The following PID1 variants were observed in gnomAD, a reference collection of about 807,000 sequenced individuals.
The protein encoded by PID1 is PTB-containing, cubilin and LRP1-interacting protein.
Under a neutral mutation model 19.1 loss-of-function variants are expected in PID1, and 10 were observed. That is an observed-to-expected ratio of 0.52 (90% CI 0.32 to 0.89). The LOEUF (loss-of-function observed/expected upper bound fraction) is 0.89, where lower values mean the gene tolerates loss of function less well. Ranked by LOEUF, PID1 falls within the 40% of genes least tolerant of loss-of-function variation. The pLI is 0.03. For missense variants in PID1, 248 were observed against 285.3 expected, an observed-to-expected ratio of 0.87 and a Z score of 0.94; for synonymous variants, 130 against 116.0, an observed-to-expected ratio of 1.12 and a Z score of -0.78.
At chr2:229,173,657 T>C (rs1690755005) in intron 1 of PID1, among the ~76,000 whole-genome samples, 2 of 152,118 alleles carry the variant, frequency 1.3e-5, no homozygotes, top group East Asian at 1.9e-4. Context: ...TGTTTCAAAA[T>C]AAAAGGCCAG....
chr2:229,235,486 T>C (rs1189989753), intron 1 of PID1, among the ~76,000 whole-genome samples: 1 of 103,928 alleles, frequency 9.6e-6, no homozygotes, highest in Admixed American at 9.8e-5. Context: ...ATTTGCAATA[T>C]GTTTATGTGT....
rs189534017 is a variant in PID1 at position 229,226,171 on chromosome 2, T to C, written c.30+44843A>G. On this transcript the variant is annotated intron_variant, in intron 1 of 2. Coordinates refer to ENST00000392055, the MANE Select transcript of PID1 (RefSeq NM_001100818.2). ...ATGCTGATGCAAATCTTAGTTCTTG[T>C]TTTAATTGGTGAGCCAACCCTTCAG... Among the ~76,000 whole-genome samples the C allele has an allele frequency of 2.0e-4, 31 of 152,290 alleles. No individual in the cohort carries two copies. In the East Asian group the frequency reaches 4.3e-3, roughly 21 times the overall value.
intron 2 of PID1, among the ~76,000 whole-genome samples, chr2:229,078,214 A>G (rs77620838): frequency 6.6e-6 from 1 of 152,156 alleles, no homozygotes; most frequent in East Asian, 1.9e-4. Context: ...TTATTGGTGT[A>G]TAGGAATGTT....
At chr2:229,067,501 G>A (rs1694353872) in intron 2 of PID1, among the ~76,000 whole-genome samples, 1 of 151,980 alleles carries the variant, frequency 6.6e-6, no homozygotes, top group Admixed American at 6.6e-5. Flanking sequence ...TCCCTCCATT[G>A]CAGCTTGTAC....
At chr2:229,029,273 GA>G (rs56408016) in intron 2 of PID1, among the ~76,000 whole-genome samples, 84,443 of 136,320 alleles carry the variant, frequency 0.62, 25,030 homozygotes, top group African/African-American at 0.68. Flanking sequence ...AATCCCTGGG[GA>G]AAAAAAAAAT....
At chr2:229,097,270 A>G (rs1422491600) in intron 2 of PID1, among the ~76,000 whole-genome samples, 1 of 152,216 alleles carries the variant, frequency 6.6e-6, no homozygotes, top group Non-Finnish European at 1.5e-5. Context: ...CCCGTCTTAC[A>G]TATGTGCTAT....
At chr2:229,129,870 G>A (rs764105997) in intron 2 of PID1, among the ~76,000 whole-genome samples, 6 of 152,104 alleles carry the variant, frequency 3.9e-5, no homozygotes, top group South Asian at 2.1e-4. Flanking sequence ...GTTCACATTC[G>A]TTATAATGAA....
At chr2:229,236,359 G>A (rs1263796167) in intron 1 of PID1, 1 of 152,132 alleles carries the variant, frequency 6.6e-6, no homozygotes, top group African/African-American at 2.4e-5. Flanking sequence ...CAAGAGATTT[G>A]GAGAGTTAGG....
intron 2 of PID1, among the ~76,000 whole-genome samples, chr2:229,116,942 C>T (rs759982683): frequency 3.7e-4 from 56 of 152,126 alleles, no homozygotes; most frequent in Middle Eastern, 3.2e-3. Flanking sequence ...GTGATGACCT[C>T]CTGTAATGCA....
intron 2 of PID1, among the ~76,000 whole-genome samples, chr2:229,048,490 G>T (rs563461120): frequency 6.6e-6 from 1 of 152,240 alleles, no homozygotes; most frequent in South Asian, 2.1e-4. Flanking sequence ...AGAGGAAAGA[G>T]AAAAAGCAAA....
At chr2:229,163,501 A>ATTT (rs5839310) in intron 1 of PID1, among the ~76,000 whole-genome samples, 1 of 149,310 alleles carries the variant, frequency 6.7e-6, no homozygotes, top group Non-Finnish European at 1.5e-5. Context: ...TCATGGAAGC[A>ATTT]TTTTTTTTTT....
rs115509560 is a variant in PID1 at position 229,054,240 on chromosome 2, G to A, written c.178-28132C>T. ...GATCAGAAAAGACCAGGCTTAATAA[G>A]GCAGAATAACCTTTTCAACAAAGGA... On this transcript the variant is annotated intron_variant, in intron 2 of 2. Transcript: ENST00000392055. Among the ~76,000 whole-genome samples the A allele has an allele frequency of 3.6e-3, 549 of 152,232 alleles. 4 individuals carry two copies. Among genetic ancestry groups the A allele is most frequent in the African/African-American group, 0.013 (521 of 41,528 alleles).
intron 1 of PID1, among the ~76,000 whole-genome samples, chr2:229,182,533 A>C (rs1474068437): frequency 6.6e-6 from 1 of 152,052 alleles, no homozygotes; most frequent in African/African-American, 2.4e-5. Context: ...CCTGACCATG[A>C]GCTTTTAGTT....
chr2:229,027,712 A>T (rs1279191036), intron 2 of PID1, among the ~76,000 whole-genome samples: 1 of 152,198 alleles, frequency 6.6e-6, no homozygotes, highest in Non-Finnish European at 1.5e-5. Context: ...CAGTAAAGGC[A>T]AGTAGTAGAG....
At chr2:229,135,745 C>A (rs144917322) in intron 2 of PID1, among the ~76,000 whole-genome samples, 71 of 152,154 alleles carry the variant, frequency 4.7e-4, no homozygotes, top group African/African-American at 1.6e-3. Context: ...CCAGAAGGAA[C>A]CTGGGGGCAG....
chr2:229,026,185 T>TG, intron 2 of PID1, 77 bp from the exon 3 acceptor site: 1 of 930,602 alleles, frequency 1.1e-6, no homozygotes. Context: ...TGAGTAGCTG[T>TG]TCCACACAGT....
Position 229,264,147 on chromosome 2 carries a change from C to T in PID1, c.30+6867G>A, listed in dbSNP as rs548017829. Among the ~76,000 whole-genome samples the T allele has an allele frequency of 2.2e-4, 33 of 152,284 alleles. 1 individual carries two copies. The highest frequency in any genetic ancestry group is 9.1e-4 in the Admixed American group (14 of 15,304). Reference sequence around the variant, plus strand: ...GTGCCCTGTTTGAGAATACTTGCCACGCTATATAACCTTCTAGCTGTGGAT... The same window carrying T: ...GTGCCCTGTTTGAGAATACTTGCCATGCTATATAACCTTCTAGCTGTGGAT... On this transcript the variant is annotated intron_variant, in intron 1 of 2. Coordinates refer to ENST00000392055, the MANE Select transcript of PID1 (RefSeq NM_001100818.2).
At chr2:229,054,714 GT>G (rs1694061222) in intron 2 of PID1, among the ~76,000 whole-genome samples, 1 of 47,242 alleles carries the variant, frequency 2.1e-5, no homozygotes, top group Non-Finnish European at 4.8e-5. Flanking sequence ...GTGTGTGTGT[GT>G]GTGTGGGGGG....
chr2:229,242,658 C>T (rs972478678), intron 1 of PID1, among the ~76,000 whole-genome samples: 1 of 152,136 alleles, frequency 6.6e-6, no homozygotes, highest in African/African-American at 2.4e-5. Context: ...TGTACCATTT[C>T]CAACAGCCTC....
Sources: gnomAD v4.1 joint callset for allele counts (sites outside exome capture counted in the v4.1 genomes callset) on GRCh38, gnomAD v4.1.1 for gene constraint, MANE v1.5 for transcripts, NCBI Gene and HGNC (gene_info 2026-07-23, HGNC 2026-07-21) for gene names.